Variants in POP4 observed in about 807,000 individuals in gnomAD.
POP4 encodes the protein POP4 ribonuclease P/MRP subunit, also known as ribonuclease P protein subunit p29.
Under a neutral mutation model 29.9 loss-of-function variants are expected in POP4, and 31 were observed. That is an observed-to-expected ratio of 1.04 (90% CI 0.78 to 1.40). POP4 has a LOEUF of 1.40. Ranked by LOEUF, POP4 falls within the 40% of genes most tolerant of loss-of-function variation. The pLI, the probability that POP4 is intolerant of heterozygous loss-of-function variation, is 0.00. For missense variants in POP4, 286 were observed against 282.7 expected (o/e 1.01, Z -0.08); for synonymous variants, 110 against 108.2 (o/e 1.02, Z -0.10).
rs1247649850 is a variant in POP4 at position 29,613,888 on chromosome 19, C to A, written c.442C>A (p.Pro148Thr). The change falls in exon 6 of 7, where the codon CCC becomes ACC. Residue 148 changes from proline (P) to threonine (T), a missense_variant. Coordinates refer to ENST00000585603, the MANE Select transcript of POP4 (RefSeq NM_006627.3). ...AIISVTKSKC[P>T]SYVGITGILL... ...CTTTGCAGTGACAAAATCCAAATGC[C>A]CCTCTTATGTGGGTATTACAGGAAT... 3 of 1,612,862 alleles carry A rather than the reference C, an allele frequency of 1.9e-6. No individual in the cohort carries two copies. The highest frequency in any genetic ancestry group is 2.5e-6 in the Non-Finnish European group (3 of 1,179,644).
intron 3 of POP4, 127 bp downstream of exon 3, chr19:29,610,759 C>A: frequency 1.1e-6 from 1 of 933,312 alleles, no homozygotes. Context: ...TCGTCTGCCA[C>A]AAGAGGGCAG....
At position 29,613,862 on chromosome 19, in the gene POP4, T is replaced by C. The variant is rs945986221; in HGVS notation, c.425-9T>C. 1 of 1,611,278 alleles carries C rather than the reference T, an allele frequency of 6.2e-7. No individual in the cohort carries two copies. Among genetic ancestry groups the C allele is most frequent in the African/African-American group, 1.3e-5 (1 of 74,906 alleles). On this transcript the variant is annotated splice_polypyrimidine_tract_variant and intron_variant, in intron 5 of 6. Coordinates refer to ENST00000585603, the MANE Select transcript of POP4 (RefSeq NM_006627.3). ...GGCCTGAGCCTGGAACTGTCCTTTT[T>C]CTTTGCAGTGACAAAATCCAAATGC...
chr19:29,607,813 G>T (rs1335907906), intron 1 of POP4, among the ~76,000 whole-genome samples: 1 of 152,192 alleles, frequency 6.6e-6, no homozygotes, highest in African/African-American at 2.4e-5. Context: ...AAAATGTGAA[G>T]AATCTTTTTA....
chr19:29,615,517 A>T lies in POP4; in HGVS notation c.*137A>T, dbSNP rs145599797. 2.2e-6 allele frequency: 2 copies of T among 906,764 alleles called. No individual in the cohort carries two copies. The highest frequency in any genetic ancestry group is 3.3e-5 in the African/African-American group (2 of 60,168). 56.2% of individuals were successfully genotyped at this position (906,764 alleles called of 1,614,324 possible). On this transcript the variant is annotated 3_prime_UTR_variant, in exon 7 of 7. Coordinates refer to ENST00000585603, the MANE Select transcript of POP4 (RefSeq NM_006627.3). ...CAGCCAGTGACGCTCCGAGTTGAGG[A>T]TGTTGAACAACATGGGAAGGTCGCA...
In POP4 at chr19:29,610,584, G is replaced by A. The variant is rs1383619932; in HGVS notation, c.236G>A (p.Arg79Lys). 2 of 1,614,170 alleles carry A rather than the reference G, an allele frequency of 1.2e-6. No individual in the cohort carries two copies. Among genetic ancestry groups the A allele is most frequent in the Non-Finnish European group, 8.5e-7 (1 of 1,180,036 alleles). ...AAGAAAGCCAAAGGCCTCTCTGCCA[G>A]GCAAAGGAGGGAGCTGCGGCTCTTT... ...KKKKAKGLSA[R>K]QRRELRLFDI... is the part of the protein sequence containing the mutation. The change falls in exon 3 of 7, where the codon AGG (arginine) becomes AAG (lysine). Residue 79 changes from arginine to lysine, a missense_variant. By Grantham distance (26) the Arg-to-Lys change is conservative. Coordinates refer to ENST00000585603, the MANE Select transcript of POP4 (RefSeq NM_006627.3).
rs375627279 is a variant in POP4 at position 29,616,310 on chromosome 19, C to T, written c.*930C>T. The T allele has an allele frequency of 3.3e-5, 5 of 152,366 alleles. 1 individual carries two copies. Among genetic ancestry groups the T allele is most frequent in the African/African-American group, 7.2e-5 (3 of 41,444 alleles). 9.4% of individuals were successfully genotyped at this position (152,366 alleles called of 1,614,324 possible). A position where few individuals can be genotyped will look rare whatever the true frequency, so the allele number is the denominator to read the frequency against. On this transcript the variant is annotated 3_prime_UTR_variant, in exon 7 of 7. Transcript: ENST00000585603. Reference sequence around the variant, plus strand: ...CTTCCATGCAGGGCCAGAGGAAAAGCGGGCCCAGGGCTGCAGTGAGAGCGG... The same window carrying T: ...CTTCCATGCAGGGCCAGAGGAAAAGTGGGCCCAGGGCTGCAGTGAGAGCGG...
At chr19:29,606,384 C>G (rs757319407) in intron 1 of POP4, 59 bp downstream of exon 1, 1 of 1,553,648 alleles carries the variant, frequency 6.4e-7, no homozygotes, top group Non-Finnish European at 8.7e-7. Context: ...GGTCTTGGTA[C>G]TGGTGGGTGA....
intron 1 of POP4, 35 bp downstream of exon 1, chr19:29,606,360 A>T: frequency 1.3e-6 from 2 of 1,598,266 alleles, no homozygotes; most frequent in Non-Finnish European, 1.7e-6. Flanking sequence ...AGGGTTGGGG[A>T]CGTTAAGGGT....
At chr19:29,612,229 T>C (rs371158006) in intron 5 of POP4, 51 bp downstream of exon 5, 1 of 1,528,658 alleles carries the variant, frequency 6.5e-7, no homozygotes, top group East Asian at 2.2e-5. Flanking sequence ...GTTCACTCTG[T>C]CACTCTGTGG....
Position 29,610,590 on chromosome 19 carries a change from G to T in POP4, c.242G>T (p.Arg81Met). 1 of 1,614,180 alleles carries T rather than the reference G, an allele frequency of 6.2e-7. No individual in the cohort carries two copies. Among genetic ancestry groups the T allele is most frequent in the South Asian group, 1.1e-5 (1 of 91,084 alleles). The stretch of plus-strand genomic sequence containing the variant: ...GCCAAAGGCCTCTCTGCCAGGCAAA[G>T]GAGGGAGCTGCGGCTCTTTGACATT... ...KKAKGLSARQRRELRLFDIKP... is the reference protein window; with the variant it reads ...KKAKGLSARQMRELRLFDIKP... Residue 81 changes from arginine (R) to methionine (M), a missense_variant, in exon 3 of 7, where the codon AGG (arginine) becomes ATG (methionine). By Grantham distance (91) the Arg-to-Met change is moderately conservative (BLOSUM62 -1). Coordinates refer to ENST00000585603, the MANE Select transcript of POP4 (RefSeq NM_006627.3).
chr19:29,615,705 GT>G lies in POP4; in HGVS notation c.*329del, dbSNP rs943853474. On this transcript the variant is annotated 3_prime_UTR_variant, in exon 7 of 7. Transcript: ENST00000585603. ...TCGATTTTTAAAAATACTTTTCCAT[GT>G]TTTCTGAGTGCTCTATGATAAATCA... 1.4e-4 allele frequency: 29 copies of G among 214,436 alleles called. No individual in the cohort carries two copies. Among genetic ancestry groups the G allele is most frequent in the African/African-American group, 6.6e-4 (29 of 44,072 alleles). 13.3% of individuals were successfully genotyped at this position (214,436 alleles called of 1,614,324 possible). A position where few individuals can be genotyped will look rare whatever the true frequency, so the allele number is the denominator to read the frequency against.
At chr19:29,607,675 A>G (rs2145554519) in intron 1 of POP4, among the ~76,000 whole-genome samples, 1 of 152,346 alleles carries the variant, frequency 6.6e-6, no homozygotes, top group Admixed American at 6.5e-5. Flanking sequence ...ATTAAGAAAC[A>G]GAAGTGTGGA....
rs562546233 is a variant in POP4, at chr19:29,608,657, G to A, written c.8G>A (p.Ser3Asn). 67 of 1,613,448 alleles carry A rather than the reference G, an allele frequency of 4.2e-5. No homozygotes were observed. The South Asian group carries it at 6.6e-4, about 16-fold the overall frequency. The change falls in exon 2 of 7, where the codon AGT becomes AAT. Residue 3 changes from serine to asparagine, a missense_variant and splice_region_variant. Ser to Asn is a conservative substitution (Grantham distance 46). Transcript: ENST00000585603. MKSVIYHALSQKE... is the reference protein window; with the variant it reads MKNVIYHALSQKE... ...TCATTTCTTTTTTTTAATCCCCCAG[G>A]TGTGATCTACCATGCATTGTCTCAG...
At chr19:29,608,572 G>A (rs1051244753) in intron 1 of POP4, 85 bp from the exon 2 acceptor site, 59 of 1,373,958 alleles carry the variant, frequency 4.3e-5, no homozygotes, top group East Asian at 2.8e-4. Flanking sequence ...GCCTAGTGGC[G>A]TAGTTATTTT....
At chr19:29,612,841 A>G (rs1441061488) in intron 5 of POP4, among the ~76,000 whole-genome samples, 1 of 152,208 alleles carries the variant, frequency 6.6e-6, no homozygotes, top group Non-Finnish European at 1.5e-5. Context: ...GTCATTCCCC[A>G]GATTACCTCA....
rs1410640376 is a variant in POP4, at chr19:29,616,662, A to C, written c.*1282A>C. The C allele has an allele frequency of 6.6e-6, 1 of 152,598 alleles. No individual in the cohort carries two copies. Among genetic ancestry groups the C allele is most frequent in the African/African-American group, 2.4e-5 (1 of 41,470 alleles). The allele number at this position is 152,598 out of a possible 1,614,324, so 9.5% of individuals were successfully genotyped here. A position where few individuals can be genotyped will look rare whatever the true frequency, so the allele number is the denominator to read the frequency against. On this transcript the variant is annotated 3_prime_UTR_variant, in exon 7 of 7. Transcript: ENST00000585603. ...CAAAGCTCAGTGCACCCAGAGTCTCACAGGGACCAACACGGTGCCTCGGTC... is the reference window on the plus strand; with the variant it reads ...CAAAGCTCAGTGCACCCAGAGTCTCCCAGGGACCAACACGGTGCCTCGGTC...
Position 29,616,009 on chromosome 19 carries a change from A to C in POP4, c.*629A>C, listed in dbSNP as rs1971126939. 6.6e-6 allele frequency: 1 copy of C among 152,242 alleles called. No individual in the cohort carries two copies. Among genetic ancestry groups the C allele is most frequent in the Non-Finnish European group, 1.5e-5 (1 of 68,086 alleles). 9.4% of individuals were successfully genotyped at this position (152,242 alleles called of 1,614,324 possible). On this transcript the variant is annotated 3_prime_UTR_variant, in exon 7 of 7. Transcript: ENST00000585603. ...TAGCTGGGGTGGACCCCAGGAGCAGAGTACTGCATGCAGCTGTGCCCATGC... is the reference window on the plus strand; with the variant it reads ...TAGCTGGGGTGGACCCCAGGAGCAGCGTACTGCATGCAGCTGTGCCCATGC...
chr19:29,615,484 AC>A lies in POP4; in HGVS notation c.*106del. 7.7e-7 allele frequency: 1 copy of A among 1,300,376 alleles called. No individual in the cohort carries two copies. The highest frequency in any genetic ancestry group is 1.1e-6 in the Non-Finnish European group (1 of 944,360). The allele number at this position is 1,300,376 out of a possible 1,614,324, so 80.6% of individuals were successfully genotyped here. On this transcript the variant is annotated 3_prime_UTR_variant, in exon 7 of 7. Coordinates refer to ENST00000585603, the MANE Select transcript of POP4 (RefSeq NM_006627.3). ...ATAGTTAAGCCAATTCCATTTATAG[AC>A]CACCTCCAGCCAGTGACGCTCCGAG...
At position 29,610,642 on chromosome 19, in the gene POP4, G is replaced by A; in HGVS notation, c.284+10G>A. 2 of 1,611,898 alleles carry A rather than the reference G, an allele frequency of 1.2e-6. No homozygotes were observed. The highest frequency in any genetic ancestry group is 2.2e-5 in the South Asian group (2 of 90,720). On this transcript the variant is annotated intron_variant, in intron 3 of 6. Transcript: ENST00000585603. ...AACCAGAGCAGCAGAGGTAACCCGAGCTCCCCACGTCTTTCTGCCCGCGGT... is the reference window on the plus strand; with the variant it reads ...AACCAGAGCAGCAGAGGTAACCCGAACTCCCCACGTCTTTCTGCCCGCGGT...
Sources: gnomAD v4.1 joint callset for allele counts (sites outside exome capture counted in the v4.1 genomes callset) on GRCh38, gnomAD v4.1.1 for gene constraint, MANE v1.5 for transcripts, NCBI Gene and HGNC (gene_info 2026-07-23, HGNC 2026-07-21) for gene names.